The following TM9SF2 variants were observed in gnomAD, a reference collection of about 807,000 sequenced individuals.
TM9SF2 encodes the protein 76 kDa membrane protein.
TM9SF2 carries 13 observed loss-of-function variants against 84.9 expected under a neutral mutation model. That is an observed-to-expected ratio of 0.15 (90% CI 0.10 to 0.24). The LOEUF is 0.24. Ranked by LOEUF, TM9SF2 falls within the 10% of genes least tolerant of loss-of-function variation. The pLI, the probability that TM9SF2 is intolerant of heterozygous loss-of-function variation, is 1.00. For synonymous variants in TM9SF2, 273 were observed against 285.8 expected, an observed-to-expected ratio of 0.96 and a Z score of 0.45; for missense variants, 562 against 818.5, an observed-to-expected ratio of 0.69 and a Z score of 3.82.
intron 9 of TM9SF2, among the ~76,000 whole-genome samples, chr13:99,543,515 G>A (rs1261449534): frequency 2.0e-5 from 3 of 152,148 alleles, no homozygotes; most frequent in Non-Finnish European, 4.4e-5. Context: ...ATTAAGAGTA[G>A]GATGAAGAGG....
intron 1 of TM9SF2, among the ~76,000 whole-genome samples, chr13:99,507,656 T>A (rs1322820228): frequency 6.6e-6 from 1 of 152,238 alleles, no homozygotes; most frequent in Non-Finnish European, 1.5e-5. Context: ...GAGACTTTTA[T>A]TGTGCCTGAG....
intron 10 of TM9SF2, among the ~76,000 whole-genome samples, chr13:99,544,689 A>C (rs1348580255): frequency 6.6e-6 from 1 of 152,174 alleles, no homozygotes; most frequent in African/African-American, 2.4e-5. Flanking sequence ...TGGGAAAAGA[A>C]GGGATGGGGC....
chr13:99,561,226 A>C (rs1353590274), intron 16 of TM9SF2, among the ~76,000 whole-genome samples: 1 of 152,362 alleles, frequency 6.6e-6, no homozygotes, highest in Middle Eastern at 3.4e-3. Context: ...TCAGTACTCC[A>C]GAGCAATGCC....
intron 12 of TM9SF2, among the ~76,000 whole-genome samples, chr13:99,551,820 C>T (rs916893656): frequency 6.6e-6 from 1 of 152,076 alleles, no homozygotes; most frequent in African/African-American, 2.4e-5. Context: ...GTCAGTAGCC[C>T]GTCACAGAAG....
At chr13:99,555,422 G>A (rs2046321396) in intron 14 of TM9SF2, 114 bp from the exon 15 acceptor site, 7 of 751,604 alleles carry the variant, frequency 9.3e-6, no homozygotes, top group Non-Finnish European at 1.3e-5. Flanking sequence ...GTCTTGTTTG[G>A]TTAGTTGAGA....
intron 8 of TM9SF2, among the ~76,000 whole-genome samples, chr13:99,541,147 G>T (rs923287588): frequency 1.3e-5 from 2 of 152,206 alleles, no homozygotes; most frequent in Non-Finnish European, 2.9e-5. Context: ...CTTTTATCTA[G>T]AGTTGTTCAT....
chr13:99,507,505 A>G (rs2139068637), intron 1 of TM9SF2, among the ~76,000 whole-genome samples: 1 of 152,276 alleles, frequency 6.6e-6, no homozygotes, highest in East Asian at 1.9e-4. Context: ...TTTCGTTGAT[A>G]TAGTCTAAAA....
Position 99,537,808 on chromosome 13 carries a change from G to A in TM9SF2, c.661G>A (p.Val221Ile). The A allele has an allele frequency of 6.2e-7, 1 of 1,611,370 alleles. No homozygotes were observed. Among genetic ancestry groups the A allele is most frequent in the South Asian group, 1.1e-5 (1 of 90,090 alleles). ...TGACATCAAAATATACTATCATGTTGTTGAAACTGGGTCCATGGGAGCAAG... is the reference window on the plus strand; with the variant it reads ...TGACATCAAAATATACTATCATGTTATTGAAACTGGGTCCATGGGAGCAAG... ...HVDIKIYYHV[V>I]ETGSMGARLV... Residue 221 changes from valine (V) to isoleucine (I), a missense_variant, in exon 6 of 17, where the codon GTT (valine) becomes ATT (isoleucine). By Grantham distance (29) the Val-to-Ile change is conservative. This residue lies in a region of TM9SF2 where 267 missense variants were observed against 316.7 expected (regional missense o/e 0.84). Coordinates refer to ENST00000376387, the MANE Select transcript of TM9SF2 (RefSeq NM_004800.3).
At chr13:99,548,388 T>C (rs1212847501) in intron 11 of TM9SF2, among the ~76,000 whole-genome samples, 2 of 152,258 alleles carry the variant, frequency 1.3e-5, no homozygotes, top group African/African-American at 4.8e-5. Context: ...TATGTGTATA[T>C]GTAATTTTAT....
At chr13:99,522,803 C>G (rs1437247313) in intron 3 of TM9SF2, among the ~76,000 whole-genome samples, 1 of 152,194 alleles carries the variant, frequency 6.6e-6, no homozygotes, top group Non-Finnish European at 1.5e-5. Flanking sequence ...GCAGGTTACT[C>G]CCCTTAGTAG....
intron 1 of TM9SF2, among the ~76,000 whole-genome samples, chr13:99,512,992 C>G (rs2046119622): frequency 6.6e-6 from 1 of 152,194 alleles, no homozygotes; most frequent in Non-Finnish European, 1.5e-5. Flanking sequence ...TTCAGAAGCT[C>G]TCTTCAAGTT....
chr13:99,544,355 A>C (rs1048941823), intron 10 of TM9SF2, among the ~76,000 whole-genome samples: 3 of 149,268 alleles, frequency 2.0e-5, no homozygotes, highest in African/African-American at 7.6e-5. Context: ...AAAAAAAAAC[A>C]AAAAACACCA....
At chr13:99,512,948 A>G (rs2046119502) in intron 1 of TM9SF2, among the ~76,000 whole-genome samples, 2 of 152,206 alleles carry the variant, frequency 1.3e-5, no homozygotes, top group Admixed American at 6.5e-5. Flanking sequence ...AAATCTCTGT[A>G]TGTAGCATAA....
intron 3 of TM9SF2, among the ~76,000 whole-genome samples, chr13:99,528,957 A>G (rs1318388613): frequency 6.6e-6 from 1 of 152,164 alleles, no homozygotes; most frequent in Non-Finnish European, 1.5e-5. Flanking sequence ...AGCCTTCTGG[A>G]GTCATGTTTA....
chr13:99,511,461 T>C (rs969674505), intron 1 of TM9SF2, among the ~76,000 whole-genome samples: 1 of 152,266 alleles, frequency 6.6e-6, no homozygotes, highest in Non-Finnish European at 1.5e-5. Context: ...TATGACACTT[T>C]TGAAATTTCT....
chr13:99,554,588 C>A, intron 14 of TM9SF2, 133 bp downstream of exon 14: 2 of 953,282 alleles, frequency 2.1e-6, no homozygotes, highest in Non-Finnish European at 3.0e-6. Context: ...TCTTAAAAGC[C>A]AAAAGCTTAT....
rs951347194 is a variant in TM9SF2 at position 99,520,181 on chromosome 13, T to A, written c.333+52T>A. 6 of 1,500,484 alleles carry A rather than the reference T, an allele frequency of 4.0e-6. No individual in the cohort carries two copies. The African/African-American group carries it at 8.4e-5, about 21-fold the overall frequency. 92.9% of individuals were successfully genotyped at this position (1,500,484 alleles called of 1,614,324 possible). A position where few individuals can be genotyped will look rare whatever the true frequency, so the allele number is the denominator to read the frequency against. On this transcript the variant is annotated intron_variant, in intron 3 of 16. Coordinates refer to ENST00000376387, the MANE Select transcript of TM9SF2 (RefSeq NM_004800.3). Reference sequence around the variant, plus strand: ...TATTTACTTACAGCTTTTGTTTTTGTTATTTAAGAAAAGCCTGAGATAACT... The same window carrying A: ...TATTTACTTACAGCTTTTGTTTTTGATATTTAAGAAAAGCCTGAGATAACT...
intron 1 of TM9SF2, among the ~76,000 whole-genome samples, chr13:99,507,980 T>C (rs187829700): frequency 2.6e-5 from 4 of 152,090 alleles, no homozygotes; most frequent in African/African-American, 7.2e-5. Context: ...AACAAAAAAA[T>C]AGACTAGTTG....
chr13:99,552,142 C>A, intron 12 of TM9SF2, 25 bp from the exon 13 acceptor site: 1 of 1,605,204 alleles, frequency 6.2e-7, no homozygotes, highest in Non-Finnish European at 8.5e-7. Context: ...TCTGGTTTTA[C>A]CCAAAAGCCT....
Sources: gnomAD v4.1 joint callset for allele counts (sites outside exome capture counted in the v4.1 genomes callset) on GRCh38, gnomAD v4.1.1 for gene constraint, gnomAD v4.1.1 regional missense constraint, MANE v1.5 for transcripts, NCBI Gene and HGNC (gene_info 2026-07-23, HGNC 2026-07-21) for gene names.